The following CNBD1 variants were observed in gnomAD, a reference collection of about 807,000 sequenced individuals.
The protein encoded by CNBD1 is cyclic nucleotide-binding domain-containing protein 1.
Under a neutral mutation model 54.4 loss-of-function variants are expected in CNBD1, and 71 were observed. The ratio of observed to expected loss-of-function variants is 1.30; its 90% CI spans 1.08 to 1.59. The LOEUF (loss-of-function observed/expected upper bound fraction) is 1.59, where lower values mean the gene tolerates loss of function less well. Ranked by LOEUF, CNBD1 falls within the 40% of genes most tolerant of loss-of-function variation. The probability of loss-of-function intolerance (pLI) is 0.00; values close to 1 mark genes in which losing one functional copy is unlikely to be tolerated. For missense variants in CNBD1, 659 were observed against 518.0 expected (o/e 1.27, Z -2.64); for synonymous variants, 182 against 170.7 (o/e 1.07, Z -0.51).
chr8:87,341,874 A>C (rs1810070877), intron 8 of CNBD1, among the ~76,000 whole-genome samples: 1 of 152,166 alleles, frequency 6.6e-6, no homozygotes, highest in Non-Finnish European at 1.5e-5. Flanking sequence ...ACCCAGTCTT[A>C]GATATTCTAT....
intron 6 of CNBD1, among the ~76,000 whole-genome samples, chr8:87,280,264 G>A (rs1261958101): frequency 6.6e-6 from 1 of 151,506 alleles, no homozygotes; most frequent in Non-Finnish European, 1.5e-5. Flanking sequence ...AAGGCCATTG[G>A]AGTCTAAATC....
At chr8:87,328,803 G>T (rs1279102155) in intron 8 of CNBD1, among the ~76,000 whole-genome samples, 1 of 151,846 alleles carries the variant, frequency 6.6e-6, no homozygotes, top group Admixed American at 6.6e-5. Flanking sequence ...ATTTTTCAGT[G>T]TGCAAGCCTT....
intron 2 of CNBD1, among the ~76,000 whole-genome samples, chr8:87,420,544 T>C (rs768119250): frequency 3.9e-5 from 6 of 152,130 alleles, no homozygotes; most frequent in Non-Finnish European, 5.9e-5. Context: ...TACTCGGAGA[T>C]GACATCTTCC....
intron 2 of CNBD1, among the ~76,000 whole-genome samples, chr8:87,414,542 T>G (rs112890245): frequency 0.015 from 2,285 of 151,674 alleles, 59 homozygotes; most frequent in African/African-American, 0.049. Context: ...AAAAAGAAAT[T>G]AATATGTACT....
intron 7 of CNBD1, among the ~76,000 whole-genome samples, chr8:87,286,320 A>G (rs1455440347): frequency 2.6e-5 from 4 of 152,192 alleles, no homozygotes; most frequent in Non-Finnish European, 5.9e-5. Context: ...TAAATTATGA[A>G]AGGTGAGCAA....
At chr8:87,041,314 G>A (rs1212679447) in intron 4 of CNBD1, among the ~76,000 whole-genome samples, 1 of 152,164 alleles carries the variant, frequency 6.6e-6, no homozygotes, top group Non-Finnish European at 1.5e-5. Flanking sequence ...CCTGAGCAAT[G>A]TGAGCATTTG....
chr8:87,047,543 G>T (rs1810221419), intron 4 of CNBD1, among the ~76,000 whole-genome samples: 1 of 152,156 alleles, frequency 6.6e-6, no homozygotes, highest in Admixed American at 6.5e-5. Flanking sequence ...AAACAAATTT[G>T]CCTCTTATCT....
At chr8:87,196,858 C>T (rs1001234209) in intron 4 of CNBD1, among the ~76,000 whole-genome samples, 2 of 151,968 alleles carry the variant, frequency 1.3e-5, no homozygotes, top group African/African-American at 4.8e-5. Context: ...TGCTTTTGGC[C>T]GTCAGCTGGA....
chr8:87,414,026 A>G (rs1034770586), intron 2 of CNBD1, among the ~76,000 whole-genome samples: 1 of 152,132 alleles, frequency 6.6e-6, no homozygotes, highest in African/African-American at 2.4e-5. Flanking sequence ...TACTGGGTAT[A>G]TACCCAAAGG....
chr8:87,251,414 C>A (rs1448536445), intron 6 of CNBD1, among the ~76,000 whole-genome samples: 2 of 151,758 alleles, frequency 1.3e-5, no homozygotes, highest in African/African-American at 2.4e-5. Flanking sequence ...TAGTGAAACC[C>A]CATCTCTACT....
intron 4 of CNBD1, among the ~76,000 whole-genome samples, chr8:87,164,048 A>G (rs1175185542): frequency 6.6e-6 from 1 of 151,910 alleles, no homozygotes; most frequent in African/African-American, 2.4e-5. Context: ...CATTTATTGA[A>G]TTGATCATAT....
At chr8:87,236,390 G>T (rs1012481800) in intron 5 of CNBD1, among the ~76,000 whole-genome samples, 4 of 152,008 alleles carry the variant, frequency 2.6e-5, no homozygotes, top group Non-Finnish European at 5.9e-5. Context: ...ACAGATATGG[G>T]AAAAACTCTT....
At chr8:87,187,419 T>C (rs1002478313) in intron 4 of CNBD1, among the ~76,000 whole-genome samples, 3 of 151,988 alleles carry the variant, frequency 2.0e-5, no homozygotes, top group Non-Finnish European at 4.4e-5. Context: ...GGATAGAGCA[T>C]ATCTTAAAAT....
At chr8:86,939,572 A>G in intron 3 of CNBD1, 24 bp from the exon 4 acceptor site, 1 of 1,539,646 alleles carries the variant, frequency 6.5e-7, no homozygotes, top group African/African-American at 1.4e-5. Context: ...ACAACAGCAT[A>G]AAATACTATA....
chr8:86,945,856 C>A (rs1318244723), intron 4 of CNBD1, among the ~76,000 whole-genome samples: 7 of 152,164 alleles, frequency 4.6e-5, no homozygotes, highest in Admixed American at 4.6e-4. Flanking sequence ...AAAAGCGTGT[C>A]ACGCTGAATC....
chr8:87,337,829 C>T (rs1000788444), intron 8 of CNBD1, among the ~76,000 whole-genome samples: 5 of 152,124 alleles, frequency 3.3e-5, no homozygotes, highest in Non-Finnish European at 7.3e-5. Context: ...ACCTGAATAC[C>T]TCGGTTGCTG....
At chr8:87,377,433 G>T (rs1402518985) in intron 10 of CNBD1, among the ~76,000 whole-genome samples, 5 of 151,462 alleles carry the variant, frequency 3.3e-5, no homozygotes, top group Admixed American at 2.0e-4. Flanking sequence ...ATAGTTTATT[G>T]AGAATGATGA....
At chr8:86,918,361 C>T (rs1425936271) in intron 3 of CNBD1, among the ~76,000 whole-genome samples, 1 of 152,142 alleles carries the variant, frequency 6.6e-6, no homozygotes, top group Non-Finnish European at 1.5e-5. Flanking sequence ...TGTTTCTTTC[C>T]TCACTGGTTC....
chr8:87,040,631 A>G (rs1253439935), intron 4 of CNBD1, among the ~76,000 whole-genome samples: 2 of 151,594 alleles, frequency 1.3e-5, no homozygotes, highest in Non-Finnish European at 2.9e-5. Flanking sequence ...TCATGGTGTT[A>G]GCCAGGATGG....
Sources: allele counts gnomAD v4.1 joint callset (sites outside exome capture counted in the v4.1 genomes callset), GRCh38; gene constraint gnomAD v4.1.1; transcripts MANE v1.5; gene names NCBI Gene and HGNC (gene_info 2026-07-23, HGNC 2026-07-21).